The following CFAP221 variants were observed in gnomAD, a reference collection of about 807,000 sequenced individuals.
CFAP221 encodes the protein cilia and flagella associated protein 221.
Under a neutral mutation model 113.1 loss-of-function variants are expected in CFAP221, and 97 were observed. The observed-to-expected ratio is 0.86, with a 90% CI of 0.73 to 1.02. The LOEUF (loss-of-function observed/expected upper bound fraction) is 1.02, where lower values mean the gene tolerates loss of function less well. CFAP221 is among the 50% of genes least tolerant of loss of function. The pLI, the probability that CFAP221 is intolerant of heterozygous loss-of-function variation, is 0.00. For synonymous variants in CFAP221, 331 were observed against 354.4 expected, an observed-to-expected ratio of 0.93 and a Z score of 0.74; for missense variants, 1,025 against 1,013.4, an observed-to-expected ratio of 1.01 and a Z score of -0.16.
chr2:119,627,584 A>G lies in CFAP221; in HGVS notation c.1517-69A>G. ...TAATTGGTATATGGAAAATATGCAA[A>G]TATATATGGTGATTTCCCATAAAAA... On this transcript the variant is annotated intron_variant, in intron 15 of 23. Transcript: ENST00000413369. The G allele has an allele frequency of 5.4e-6, 8 of 1,482,954 alleles. No homozygotes were observed. In the South Asian group the frequency reaches 9.9e-5, roughly 18 times the overall value. The allele number at this position is 1,482,954 out of a possible 1,614,324, so 91.9% of individuals were successfully genotyped here.
At chr2:119,604,461 A>C (rs1243591588) in intron 8 of CFAP221, among the ~76,000 whole-genome samples, 4 of 152,066 alleles carry the variant, frequency 2.6e-5, no homozygotes, top group Admixed American at 6.6e-5. Context: ...GCAAAAAAAA[A>C]CCGTTGGTGG....
intron 12 of CFAP221, 30 bp from the exon 13 acceptor site, chr2:119,611,623 C>T (rs376809317): frequency 7.7e-6 from 12 of 1,566,868 alleles, no homozygotes; most frequent in Non-Finnish European, 1.0e-5. Context: ...TTATATTCAA[C>T]TTAAATTATT....
chr2:119,634,858 C>T (rs1289003569), intron 19 of CFAP221, among the ~76,000 whole-genome samples: 1 of 152,186 alleles, frequency 6.6e-6, no homozygotes, highest in East Asian at 1.9e-4. Context: ...CATAAAGTTG[C>T]AGTCAAGAAA....
At chr2:119,553,937 G>A (rs1680602232) in intron 3 of CFAP221, among the ~76,000 whole-genome samples, 1 of 152,196 alleles carries the variant, frequency 6.6e-6, no homozygotes, top group Non-Finnish European at 1.5e-5. Context: ...AAGAGTGGCA[G>A]AGGCTCATTA....
chr2:119,584,726 A>G (rs1346827318), intron 6 of CFAP221, among the ~76,000 whole-genome samples: 1 of 152,218 alleles, frequency 6.6e-6, no homozygotes, highest in Non-Finnish European at 1.5e-5. Context: ...ACCTCAAAAG[A>G]ATGAGAATGA....
At chr2:119,637,833 A>G (rs1434351811) in intron 19 of CFAP221, among the ~76,000 whole-genome samples, 2 of 152,126 alleles carry the variant, frequency 1.3e-5, no homozygotes, top group African/African-American at 4.8e-5. Flanking sequence ...CTTTTTTGTC[A>G]TCTCTTTAAA....
At chr2:119,654,382 G>A (rs1688306335) in intron 23 of CFAP221, among the ~76,000 whole-genome samples, 2 of 151,950 alleles carry the variant, frequency 1.3e-5, no homozygotes, top group African/African-American at 2.4e-5. Context: ...TCAAAAAACT[G>A]ACCTAGGGTT....
chr2:119,558,305 C>T (rs916606789), intron 3 of CFAP221, among the ~76,000 whole-genome samples: 2 of 152,178 alleles, frequency 1.3e-5, no homozygotes, highest in African/African-American at 4.8e-5. Context: ...TCCTCCCAGT[C>T]TCTCTCAAAA....
intron 21 of CFAP221, among the ~76,000 whole-genome samples, chr2:119,643,586 C>T (rs1237559921): frequency 6.6e-6 from 1 of 152,040 alleles, no homozygotes; most frequent in African/African-American, 2.4e-5. Flanking sequence ...ACTCTGTCAC[C>T]CAGGCTGGAG....
rs986283006 is a variant in CFAP221 at position 119,544,461 on chromosome 2, GGGCGCCGGCGCT to G, written c.-87_-76del. 2 of 151,842 alleles carry G rather than the reference GGGCGCCGGCGCT, an allele frequency of 1.3e-5. No homozygotes were observed. The highest frequency in any genetic ancestry group is 2.9e-5 in the Non-Finnish European group (2 of 67,962). The allele number at this position is 151,842 out of a possible 1,614,324, so 9.4% of individuals were successfully genotyped here. A position where few individuals can be genotyped will look rare whatever the true frequency, so the allele number is the denominator to read the frequency against. On this transcript the variant is annotated 5_prime_UTR_variant, in exon 1 of 24. Coordinates refer to ENST00000413369, the MANE Select transcript of CFAP221 (RefSeq NM_001271049.2). ...GCGTCGTCATGGCGACGCTCCGAGC[GGGCGCCGGCGCT>G]GGCGCCGGCCGAATCCGGCCCGGGA...
At chr2:119,579,134 ATAAAATGTT>A (rs1211572743) in intron 6 of CFAP221, among the ~76,000 whole-genome samples, 5 of 152,096 alleles carry the variant, frequency 3.3e-5, no homozygotes, top group Non-Finnish European at 5.9e-5. Flanking sequence ...AGCATAATTG[ATAAAATGTT>A]TAAATAATAA....
intron 19 of CFAP221, among the ~76,000 whole-genome samples, chr2:119,635,524 T>G (rs961664235): frequency 3.3e-5 from 5 of 151,488 alleles, no homozygotes; most frequent in Non-Finnish European, 7.4e-5. Flanking sequence ...GTGGATGGTG[T>G]GGAGGGGCAG....
intron 3 of CFAP221, chr2:119,556,188 C>G (rs1014431004): frequency 6.6e-6 from 1 of 152,490 alleles, no homozygotes; most frequent in Non-Finnish European, 1.5e-5. Flanking sequence ...CCTCAAACTC[C>G]TGGGCTCAAG....
chr2:119,560,178 C>T (rs562143505), intron 5 of CFAP221, among the ~76,000 whole-genome samples, 152 bp downstream of exon 5: 4 of 150,474 alleles, frequency 2.7e-5, no homozygotes, highest in South Asian at 2.1e-4. Context: ...GTGTGACTGG[C>T]GTGCAAAGCT....
intron 7 of CFAP221, among the ~76,000 whole-genome samples, chr2:119,595,677 T>C (rs944419715): frequency 3.9e-5 from 6 of 152,104 alleles, no homozygotes; most frequent in African/African-American, 1.4e-4. Flanking sequence ...CCCTGCTGTG[T>C]TGGAGCAGAG....
At position 119,604,857 on chromosome 2, in the gene CFAP221, T is replaced by C. The variant is rs1684621540; in HGVS notation, c.913-19T>C. ...AGAGGGGCAGACTAACTGATTTCCC[T>C]ATTGATTTGGTCTCTTAGGAAATTG... On this transcript the variant is annotated intron_variant, in intron 9 of 23. Transcript: ENST00000413369. 6.2e-7 allele frequency: 1 copy of C among 1,613,366 alleles called. No individual in the cohort carries two copies. The highest frequency in any genetic ancestry group is 1.3e-5 in the African/African-American group (1 of 75,012).
intron 6 of CFAP221, chr2:119,572,891 C>T: frequency 3.1e-6 from 1 of 327,352 alleles, no homozygotes; most frequent in Non-Finnish European, 5.5e-6. Context: ...CTCCTGGTGA[C>T]TCCATTCCAA....
intron 14 of CFAP221, among the ~76,000 whole-genome samples, chr2:119,617,971 C>T (rs1370904818): frequency 6.6e-6 from 1 of 152,228 alleles, no homozygotes. Context: ...GTTGTCCTCT[C>T]ACCATTCAAG....
At chr2:119,649,696 CT>C (rs1356961964) in intron 22 of CFAP221, among the ~76,000 whole-genome samples, 6 of 152,152 alleles carry the variant, frequency 3.9e-5, no homozygotes, top group African/African-American at 1.4e-4. Flanking sequence ...GTTTTATTCC[CT>C]GAGTGTCACA....
Sources: gnomAD v4.1 joint callset for allele counts (sites outside exome capture counted in the v4.1 genomes callset) on GRCh38, gnomAD v4.1.1 for gene constraint, MANE v1.5 for transcripts, NCBI Gene and HGNC (gene_info 2026-07-23, HGNC 2026-07-21) for gene names.